NR5A1: variants seen among roughly 807,000 people sequenced by gnomAD.
NR5A1 encodes the protein steroidogenic factor 1.
Under a neutral mutation model 42.7 loss-of-function variants are expected in NR5A1, and 6 were observed. The observed-to-expected ratio is 0.14, with a 90% CI of 0.08 to 0.28. NR5A1 has a LOEUF of 0.28. NR5A1 is among the 10% of genes least tolerant of loss of function. The pLI is 1.00. For missense variants in NR5A1, 442 were observed against 626.4 expected, an observed-to-expected ratio of 0.71 and a Z score of 3.14; for synonymous variants, 274 against 277.5, an observed-to-expected ratio of 0.99 and a Z score of 0.12.
intron 1 of NR5A1, among the ~76,000 whole-genome samples, chr9:124,504,157 C>T (rs1832515044): frequency 6.6e-6 from 1 of 151,422 alleles, no homozygotes; most frequent in Admixed American, 6.6e-5. Context: ...TGACGCAGAG[C>T]CAGAGACACA....
At chr9:124,486,525 G>A (rs1265328321) in intron 6 of NR5A1, among the ~76,000 whole-genome samples, 1 of 152,218 alleles carries the variant, frequency 6.6e-6, no homozygotes, top group Admixed American at 6.5e-5. Flanking sequence ...AAGCTGGGAT[G>A]CATGTTCCTG....
chr9:124,491,036 C>CCCCCCCACGGG, intron 6 of NR5A1, 45 bp downstream of exon 6: 1 of 1,401,598 alleles, frequency 7.1e-7, no homozygotes, highest in Non-Finnish European at 9.6e-7. Context: ...CCCACCCACC[C>CCCCCCCACGGG]GCCTCTGGCT....
chr9:124,504,050 G>GACGAGAGAGAGAGAGAGAT (rs1588623940), intron 1 of NR5A1, among the ~76,000 whole-genome samples: 1 of 128,314 alleles, frequency 7.8e-6, no homozygotes, highest in East Asian at 2.1e-4. Flanking sequence ...GAGAGAGAGA[G>GACGAGAGAGAGAGAGAGAT]ACGAGAGAGA....
intron 4 of NR5A1, among the ~76,000 whole-genome samples, chr9:124,499,355 T>C (rs1305667697): frequency 1.3e-5 from 2 of 152,256 alleles, no homozygotes; most frequent in East Asian, 1.9e-4. Context: ...GGCCATGCCA[T>C]AGAGGAAGGC....
chr9:124,504,586 G>T (rs944041648), intron 1 of NR5A1, among the ~76,000 whole-genome samples: 4 of 151,884 alleles, frequency 2.6e-5, no homozygotes, highest in Non-Finnish European at 5.9e-5. Context: ...GCGACCTCGG[G>T]CGGAGAGGCG....
intron 6 of NR5A1, among the ~76,000 whole-genome samples, chr9:124,488,768 G>C (rs1832260320): frequency 6.6e-6 from 1 of 152,238 alleles, no homozygotes; most frequent in Non-Finnish European, 1.5e-5. Flanking sequence ...CACACAGCCA[G>C]AAAGAGACCA....
rs1484191295 is a variant in NR5A1 at position 124,503,895 on chromosome 9, A to T, written c.-15-485T>A. Among the ~76,000 whole-genome samples, 2 of 152,064 alleles carry T rather than the reference A, an allele frequency of 1.3e-5. No individual in the cohort carries two copies. The highest frequency in any genetic ancestry group is 1.5e-5 in the Non-Finnish European group (1 of 68,012). ...TGGGAAGAAACTCTGGCGAGAGACAACGACCGACGCCACCGGGCGCAGACA... is the reference window on the plus strand; with the variant it reads ...TGGGAAGAAACTCTGGCGAGAGACATCGACCGACGCCACCGGGCGCAGACA... On this transcript the variant is annotated intron_variant, in intron 1 of 6. Coordinates refer to ENST00000373588, the MANE Select transcript of NR5A1 (RefSeq NM_004959.5). The surrounding 1 kb of genome is among the most constrained non-coding windows in gnomAD (Gnocchi z 9.6).
At chr9:124,487,401 A>G (rs1302772067) in intron 6 of NR5A1, among the ~76,000 whole-genome samples, 1 of 152,204 alleles carries the variant, frequency 6.6e-6, no homozygotes, top group East Asian at 1.9e-4. Flanking sequence ...GCCTCAATGG[A>G]AGTCAGGAAA....
At chr9:124,495,531 G>A (rs1588619764) in intron 4 of NR5A1, among the ~76,000 whole-genome samples, 2 of 152,344 alleles carry the variant, frequency 1.3e-5, no homozygotes, top group Admixed American at 6.5e-5. Flanking sequence ...GACCTGGGAA[G>A]GAGGGGCCTG....
At chr9:124,484,106 T>G (rs983258922) in intron 6 of NR5A1, among the ~76,000 whole-genome samples, 1 of 152,192 alleles carries the variant, frequency 6.6e-6, no homozygotes, top group East Asian at 1.9e-4. Flanking sequence ...AATAAAGCGT[T>G]GAACATCTCA....
rs148095451 is a variant in NR5A1, at chr9:124,502,483, C to A, written c.244+596G>T. Reference sequence around the variant, plus strand: ...TAGCTAGGACTACAGGCACATGTCACCACGCCCAGCTACTTTTTTATATTT... The same window carrying A: ...TAGCTAGGACTACAGGCACATGTCAACACGCCCAGCTACTTTTTTATATTT... On this transcript the variant is annotated intron_variant, in intron 3 of 6. Transcript: ENST00000373588. Among the ~76,000 whole-genome samples the A allele has an allele frequency of 4.2e-4, 64 of 152,270 alleles. No homozygotes were observed. In the East Asian group the frequency reaches 0.011, roughly 26 times the overall value.
In NR5A1 at chr9:124,503,354, G is replaced by A. The variant is rs377483047; in HGVS notation, c.42C>T (p.Pro14=). The A allele has an allele frequency of 6.8e-6, 11 of 1,611,554 alleles. No individual in the cohort carries two copies. The highest frequency in any genetic ancestry group is 3.3e-5 in the Admixed American group (2 of 59,904). The change falls in exon 2 of 7, where the codon CCC becomes CCT. Residue 14 remains proline (P), a synonymous_variant. Transcript: ENST00000373588. The surrounding 1 kb of genome is among the most constrained non-coding windows in gnomAD (Gnocchi z 9.6). The part of the protein sequence containing the change: ...SYDEDLDELC[P]VCGDKVSGYH... ...AGCCGGACACCTTGTCCCCGCACACGGGGCACAGCTCGTCCAGGTCCTCGT... is the reference window on the plus strand; with the variant it reads ...AGCCGGACACCTTGTCCCCGCACACAGGGCACAGCTCGTCCAGGTCCTCGT...
rs1480433730 is a variant in NR5A1 at position 124,501,814 on chromosome 9, G to A, written c.245-1099C>T. The stretch of plus-strand genomic sequence containing the variant: ...GGTCCACCACTCTCAGAGCCACCTG[G>A]GGCTTTCTACACTGTTCCAAGACCT... On this transcript the variant is annotated intron_variant, in intron 3 of 6. Transcript: ENST00000373588. This position sits in a 1 kb window ranked among gnomAD's most constrained non-coding sequence, Gnocchi z 4.1. 6.6e-6 allele frequency among the ~76,000 whole-genome samples: 1 copy of A among 152,168 alleles called. No individual in the cohort carries two copies. Among genetic ancestry groups the A allele is most frequent in the Non-Finnish European group, 1.5e-5 (1 of 68,034 alleles).
rs1292693615 is a variant in NR5A1 at position 124,500,144 on chromosome 9, G to C, written c.816C>G (p.Thr272=). ...GTGCCCAGTCCACGATGGAGATGAAGGTCTGGTCGGCCATTCTGCACAGGA... is the reference window on the plus strand; with the variant it reads ...GTGCCCAGTCCACGATGGAGATGAACGTCTGGTCGGCCATTCTGCACAGGA... ...FGLLCRMADQ[T]FISIVDWARR... Residue 272 remains threonine (T), a synonymous_variant, in exon 4 of 7, where the codon ACC becomes ACG. Coordinates refer to ENST00000373588, the MANE Select transcript of NR5A1 (RefSeq NM_004959.5). The surrounding 1 kb of genome is among the most constrained non-coding windows in gnomAD (Gnocchi z 6.9). 6.2e-7 allele frequency: 1 copy of C among 1,612,960 alleles called. No individual in the cohort carries two copies. Among genetic ancestry groups the C allele is most frequent in the Non-Finnish European group, 8.5e-7 (1 of 1,180,022 alleles).
chr9:124,496,606 C>T lies in NR5A1; in HGVS notation c.871-3457G>A, dbSNP rs1215377586. On this transcript the variant is annotated intron_variant, in intron 4 of 6. Coordinates refer to ENST00000373588, the MANE Select transcript of NR5A1 (RefSeq NM_004959.5). This position sits in a 1 kb window ranked among gnomAD's most constrained non-coding sequence, Gnocchi z 5.0. ...GTCCGATTGGTCTGGCTGTGAAGGC[C>T]GGTGGGCTGTGTAATTCTCTGGTGG... Among the ~76,000 whole-genome samples the T allele has an allele frequency of 3.3e-5, 5 of 152,188 alleles. No homozygotes were observed. Among genetic ancestry groups the T allele is most frequent in the African/African-American group, 2.4e-5 (1 of 41,446 alleles).
chr9:124,486,300 G>C (rs1588615348), intron 6 of NR5A1, among the ~76,000 whole-genome samples: 1 of 152,116 alleles, frequency 6.6e-6, no homozygotes, highest in South Asian at 2.1e-4. Flanking sequence ...CCAGTTTCCC[G>C]GGCACCCCCC....
chr9:124,486,199 C>G (rs931298668), intron 6 of NR5A1, among the ~76,000 whole-genome samples: 1 of 152,146 alleles, frequency 6.6e-6, no homozygotes, highest in Non-Finnish European at 1.5e-5. Flanking sequence ...GTTGGAAACC[C>G]CCGACTGCCC....
At chr9:124,505,635 G>T (rs1832545423) in intron 1 of NR5A1, among the ~76,000 whole-genome samples, 1 of 152,184 alleles carries the variant, frequency 6.6e-6, no homozygotes, top group African/African-American at 2.4e-5. Flanking sequence ...GCCTCAGGTC[G>T]CTGGGCTGGA....
rs1832265446 is a variant in NR5A1, at chr9:124,489,145, AG to A, written c.1138+1935del. On this transcript the variant is annotated intron_variant, in intron 6 of 6. Coordinates refer to ENST00000373588, the MANE Select transcript of NR5A1 (RefSeq NM_004959.5). ...CTATGCACAGGGCTTTGGTGGGAAG[AG>A]GGGCTGGGGGCCAAGACAATGTCCC... Among the ~76,000 whole-genome samples, 6 of 152,340 alleles carry A rather than the reference AG, an allele frequency of 3.9e-5. No individual in the cohort carries two copies. In the South Asian group the frequency reaches 1.2e-3, roughly 32 times the overall value.
Sources: allele counts gnomAD v4.1 joint callset (sites outside exome capture counted in the v4.1 genomes callset), GRCh38; gene constraint gnomAD v4.1.1; non-coding constraint Gnocchi (gnomAD v3.1); transcripts MANE v1.5; gene names NCBI Gene and HGNC (gene_info 2026-07-23, HGNC 2026-07-21).